Variants in OPCML observed in about 807,000 individuals in gnomAD.
The protein encoded by OPCML is opioid-binding protein/cell adhesion molecule.
OPCML carries 13 observed loss-of-function variants against 37.8 expected under a neutral mutation model. The observed-to-expected ratio is 0.34, with a 90% CI of 0.22 to 0.55. The LOEUF (loss-of-function observed/expected upper bound fraction) is 0.55. Among genes scored for constraint, OPCML ranks in the 20% least tolerant of loss-of-function variants. The probability of loss-of-function intolerance (pLI) is 0.91; values close to 1 mark genes in which losing one functional copy is unlikely to be tolerated. For synonymous variants in OPCML, 176 were observed against 168.8 expected (o/e 1.04, Z -0.33); for missense variants, 341 against 435.6 (o/e 0.78, Z 1.93).
chr11:132,445,977 G>A (rs1327777438), intron 4 of OPCML, among the ~76,000 whole-genome samples: 3 of 152,114 alleles, frequency 2.0e-5, no homozygotes, highest in African/African-American at 7.2e-5. Context: ...GTGGGGTAGG[G>A]TGGTGATAGC....
intron 1 of OPCML, among the ~76,000 whole-genome samples, chr11:133,108,455 T>C (rs1029865249): frequency 5.8e-4 from 89 of 152,302 alleles, no homozygotes; most frequent in African/African-American, 2.1e-3. Flanking sequence ...CAATCCATCA[T>C]ACATCAAGGA....
chr11:132,899,073 A>C (rs79107703), intron 2 of OPCML, among the ~76,000 whole-genome samples: 1 of 152,098 alleles, frequency 6.6e-6, no homozygotes, highest in Non-Finnish European at 1.5e-5. Context: ...TCCAGGGAGG[A>C]CTACTAATGA....
rs999377531 is a variant in OPCML, at chr11:133,099,112, T to C, written c.62-156102A>G. ...AATAAAAGAGATAAATATGATAACATATACAAGACCTATGTGAAGAAAACT... is the reference window on the plus strand; with the variant it reads ...AATAAAAGAGATAAATATGATAACACATACAAGACCTATGTGAAGAAAACT... On this transcript the variant is annotated intron_variant, in intron 1 of 7. Transcript: ENST00000524381. Among the ~76,000 whole-genome samples, 3 of 152,088 alleles carry C rather than the reference T, an allele frequency of 2.0e-5. No homozygotes were observed. The East Asian group carries it at 5.8e-4, about 29-fold the overall frequency.
chr11:133,370,207 C>T (rs1358746581), intron 1 of OPCML, among the ~76,000 whole-genome samples: 1 of 152,020 alleles, frequency 6.6e-6, no homozygotes, highest in Non-Finnish European at 1.5e-5. Context: ...TTGAGAAGAC[C>T]ATAGTTAAGC....
chr11:133,288,051 G>C (rs546352290), intron 1 of OPCML, among the ~76,000 whole-genome samples: 62 of 152,278 alleles, frequency 4.1e-4, no homozygotes, highest in African/African-American at 1.4e-3. Context: ...AGAAGGATGA[G>C]AGCTGAGAAC....
At chr11:132,421,563 A>C (rs1328541251) in intron 7 of OPCML, among the ~76,000 whole-genome samples, 1 of 152,234 alleles carries the variant, frequency 6.6e-6, no homozygotes, top group Non-Finnish European at 1.5e-5. Context: ...TTCAGCAATG[A>C]GTATACAACT....
chr11:133,423,336 T>A (rs1375347296), intron 1 of OPCML: 1 of 985,306 alleles, frequency 1.0e-6, no homozygotes, highest in Non-Finnish European at 1.2e-6. Flanking sequence ...TGGGCATCTG[T>A]TGGTCATGTG....
intron 4 of OPCML, among the ~76,000 whole-genome samples, chr11:132,439,307 A>G (rs1414086072): frequency 6.6e-6 from 1 of 152,170 alleles, no homozygotes; most frequent in Non-Finnish European, 1.5e-5. Context: ...CTCCTGAATG[A>G]TGCTGCTCAC....
chr11:132,964,733 G>T (rs1219493926), intron 1 of OPCML, among the ~76,000 whole-genome samples: 1 of 152,158 alleles, frequency 6.6e-6, no homozygotes, highest in Non-Finnish European at 1.5e-5. Context: ...CCCTCAGCAG[G>T]CACATGTGGA....
intron 2 of OPCML, among the ~76,000 whole-genome samples, chr11:132,869,005 G>A (rs1409629047): frequency 6.6e-6 from 1 of 152,170 alleles, no homozygotes; most frequent in Non-Finnish European, 1.5e-5. Context: ...CTGAGGAATG[G>A]CATAGAAGTC....
Position 132,664,550 on chromosome 11 carries a change from C to T in OPCML, c.147-7231G>A, listed in dbSNP as rs1942140392. Among the ~76,000 whole-genome samples, 2 of 152,066 alleles carry T rather than the reference C, an allele frequency of 1.3e-5. 1 individual carries two copies. Among genetic ancestry groups the T allele is most frequent in the South Asian group, 4.2e-4 (2 of 4,818 alleles). ...TATGTATCCAAATATATTAATAATG[C>T]CAGTCCAAAAACTGGGAGGAAGACC... On this transcript the variant is annotated intron_variant, in intron 2 of 7. Coordinates refer to ENST00000524381, the MANE Select transcript of OPCML (RefSeq NM_001012393.5).
intron 2 of OPCML, among the ~76,000 whole-genome samples, chr11:132,871,584 G>T (rs368314522): frequency 1.3e-5 from 2 of 152,168 alleles, no homozygotes; most frequent in Admixed American, 6.5e-5. Flanking sequence ...CCATGGATGC[G>T]GCATAGCACT....
intron 2 of OPCML, among the ~76,000 whole-genome samples, chr11:132,870,768 A>G (rs1355808982): frequency 6.6e-6 from 1 of 152,218 alleles, no homozygotes; most frequent in Non-Finnish European, 1.5e-5. Flanking sequence ...CAATGAACCT[A>G]GAGTACATTA....
At position 133,426,760 on chromosome 11, in the gene OPCML, G is replaced by C. The variant is rs145235319; in HGVS notation, c.61+105504C>G. ...TCTCTCCCTTCACACGTGGTAGAAA[G>C]AGGAAGAGCCTCAGAATCAGTAAAC... On this transcript the variant is annotated intron_variant, in intron 1 of 7. Transcript: ENST00000524381. Among the ~76,000 whole-genome samples, 951 of 152,288 alleles carry C rather than the reference G, an allele frequency of 6.2e-3. 6 individuals are homozygous for C. Among genetic ancestry groups the C allele is most frequent in the Admixed American group, 0.01 (155 of 15,298 alleles).
At chr11:132,526,089 T>C (rs1479481179) in intron 4 of OPCML, among the ~76,000 whole-genome samples, 1 of 152,156 alleles carries the variant, frequency 6.6e-6, no homozygotes, top group Non-Finnish European at 1.5e-5. Context: ...TTACACTCTG[T>C]AAAAGATTGG....
intron 2 of OPCML, among the ~76,000 whole-genome samples, chr11:132,771,400 C>T (rs930636727): frequency 6.6e-6 from 1 of 152,136 alleles, no homozygotes; most frequent in African/African-American, 2.4e-5. Flanking sequence ...TGTAATAAAT[C>T]AATTAGCCGA....
At chr11:133,410,634 TAAAAAAAAAAAAAAAAAAA>T (rs71038527) in intron 1 of OPCML, among the ~76,000 whole-genome samples, 3,456 of 47,026 alleles carry the variant, frequency 0.073, 63 homozygotes, top group Non-Finnish European at 0.11. Context: ...AGAAAAAAAG[TAAAAAAAAAAAAAAAAAAA>T]AAAAAAAAAA....
At chr11:132,518,213 T>G (rs528591416) in intron 4 of OPCML, among the ~76,000 whole-genome samples, 2 of 152,332 alleles carry the variant, frequency 1.3e-5, no homozygotes, top group South Asian at 4.1e-4. Flanking sequence ...TTTATCTTGA[T>G]GCTCTCCCTC....
chr11:133,078,242 C>T (rs943674556), intron 1 of OPCML, among the ~76,000 whole-genome samples: 2 of 152,104 alleles, frequency 1.3e-5, no homozygotes, highest in Admixed American at 1.3e-4. Context: ...TGCGTGCAGC[C>T]GCCCGGACGA....
Sources: gnomAD v4.1 joint callset for allele counts (sites outside exome capture counted in the v4.1 genomes callset) on GRCh38, gnomAD v4.1.1 for gene constraint, MANE v1.5 for transcripts, NCBI Gene and HGNC (gene_info 2026-07-23, HGNC 2026-07-21) for gene names.